Variants in GRB14 observed in about 807,000 individuals in gnomAD.
GRB14 encodes the protein growth factor receptor-bound protein 14.
In GRB14, 38 loss-of-function variants were observed where a neutral mutation model predicts 69.1. That is an observed-to-expected ratio of 0.55 (90% CI 0.42 to 0.72). GRB14 has a LOEUF of 0.72. GRB14 is among the 30% of genes least tolerant of loss of function. The pLI, the probability that GRB14 is intolerant of heterozygous loss-of-function variation, is 0.00. For synonymous variants in GRB14, 247 were observed against 241.3 expected (o/e 1.02, Z -0.22); for missense variants, 666 against 666.1 (o/e 1.00, Z 0.00).
chr2:164,546,585 G>A (rs190593850), intron 3 of GRB14, among the ~76,000 whole-genome samples: 3 of 152,260 alleles, frequency 2.0e-5, no homozygotes, highest in East Asian at 3.9e-4. Flanking sequence ...CCACCACGAT[G>A]CCCCTCCCAC....
chr2:164,589,637 G>C (rs578052665), intron 2 of GRB14, among the ~76,000 whole-genome samples: 76 of 152,120 alleles, frequency 5.0e-4, no homozygotes, highest in African/African-American at 1.7e-3. Flanking sequence ...CTCAAGAAGG[G>C]CATTAATCTA....
chr2:164,522,216 T>A, intron 5 of GRB14, 99 bp from the exon 6 acceptor site: 5 of 699,922 alleles, frequency 7.1e-6, no homozygotes, highest in Non-Finnish European at 7.4e-6. Flanking sequence ...CATGTAAAAA[T>A]CACACAAGAT....
chr2:164,505,087 C>T (rs1687155108), intron 8 of GRB14, among the ~76,000 whole-genome samples: 1 of 152,198 alleles, frequency 6.6e-6, no homozygotes, highest in Non-Finnish European at 1.5e-5. Context: ...TCCAGTAAGA[C>T]TCATTTCAGG....
At chr2:164,585,326 T>TA (rs1370974129) in intron 2 of GRB14, among the ~76,000 whole-genome samples, 1 of 151,982 alleles carries the variant, frequency 6.6e-6, no homozygotes, top group Non-Finnish European at 1.5e-5. Context: ...TATTTTCAAA[T>TA]AATGTTCAAG....
chr2:164,602,748 C>T (rs1689949275), intron 2 of GRB14, among the ~76,000 whole-genome samples: 1 of 152,116 alleles, frequency 6.6e-6, no homozygotes, highest in South Asian at 2.1e-4. Flanking sequence ...ATCCCTATTG[C>T]CCCCAGAGAT....
At chr2:164,614,585 A>G (rs968766844) in intron 2 of GRB14, among the ~76,000 whole-genome samples, 10 of 152,194 alleles carry the variant, frequency 6.6e-5, no homozygotes, top group African/African-American at 2.4e-4. Flanking sequence ...AGATGCAATG[A>G]TGGGGTGTCC....
intron 1 of GRB14, chr2:164,620,078 T>TC (rs1342589289): frequency 0.051 from 1,674 of 32,532 alleles, 114 homozygotes; most frequent in African/African-American, 0.13. Context: ...CCACCACCCC[T>TC]CCCCCCCCCA....
chr2:164,590,621 T>A (rs1054800323), intron 2 of GRB14, among the ~76,000 whole-genome samples: 3 of 152,230 alleles, frequency 2.0e-5, no homozygotes, highest in African/African-American at 7.2e-5. Flanking sequence ...TTATGCTTTA[T>A]ATACAGCACA....
intron 2 of GRB14, among the ~76,000 whole-genome samples, chr2:164,574,335 G>A (rs150480439): frequency 0.02 from 2,987 of 150,484 alleles, 125 homozygotes; most frequent in African/African-American, 0.069. Flanking sequence ...TCCGCCTCCC[G>A]GGTTCAAGTG....
intron 2 of GRB14, among the ~76,000 whole-genome samples, chr2:164,584,037 G>A (rs1351654526): frequency 2.0e-5 from 3 of 151,140 alleles, no homozygotes; most frequent in African/African-American, 7.3e-5. Flanking sequence ...CCAGGCTGGA[G>A]TGCAGTGGCT....
intron 2 of GRB14, among the ~76,000 whole-genome samples, chr2:164,618,623 T>C (rs1690366123): frequency 6.6e-6 from 1 of 152,126 alleles, no homozygotes; most frequent in African/African-American, 2.4e-5. Flanking sequence ...CCCCCAAAAA[T>C]ATATACACAG....
At chr2:164,550,186 A>G (rs1253626204) in intron 2 of GRB14, among the ~76,000 whole-genome samples, 1 of 152,270 alleles carries the variant, frequency 6.6e-6, no homozygotes, top group East Asian at 1.9e-4. Context: ...AGAATGTTAC[A>G]CTTCCTGGCC....
At chr2:164,546,156 T>G (rs1489201558) in intron 3 of GRB14, among the ~76,000 whole-genome samples, 1 of 152,196 alleles carries the variant, frequency 6.6e-6, no homozygotes, top group Non-Finnish European at 1.5e-5. Flanking sequence ...TCCATCAATT[T>G]GAGCTGTTTT....
At chr2:164,533,486 C>T (rs929150803) in intron 3 of GRB14, among the ~76,000 whole-genome samples, 1 of 152,078 alleles carries the variant, frequency 6.6e-6, no homozygotes, top group Non-Finnish European at 1.5e-5. Flanking sequence ...TCCCAAAGTG[C>T]TGGGATTACA....
At chr2:164,505,967 G>C (rs1041902377) in intron 8 of GRB14, among the ~76,000 whole-genome samples, 1 of 152,164 alleles carries the variant, frequency 6.6e-6, no homozygotes, top group Non-Finnish European at 1.5e-5. Context: ...TCTGTTTTGG[G>C]TGTCAAACTT....
chr2:164,597,008 G>A (rs1313177104), intron 2 of GRB14, among the ~76,000 whole-genome samples: 3 of 152,132 alleles, frequency 2.0e-5, no homozygotes, highest in Admixed American at 6.5e-5. Flanking sequence ...AGGATTAAAT[G>A]TCAGATATCC....
intron 2 of GRB14, among the ~76,000 whole-genome samples, chr2:164,577,274 T>A (rs984522128): frequency 2.0e-5 from 3 of 152,146 alleles, no homozygotes; most frequent in African/African-American, 7.2e-5. Flanking sequence ...ACAAACAAGA[T>A]CAATGAGGGG....
At chr2:164,557,800 G>T (rs1219507514) in intron 2 of GRB14, among the ~76,000 whole-genome samples, 5 of 152,186 alleles carry the variant, frequency 3.3e-5, no homozygotes, top group Non-Finnish European at 5.9e-5. Context: ...TTACATTTCT[G>T]CAGTAAATTA....
At chr2:164,513,876 T>C (rs1045314705) in intron 6 of GRB14, among the ~76,000 whole-genome samples, 2 of 152,198 alleles carry the variant, frequency 1.3e-5, no homozygotes, top group Non-Finnish European at 2.9e-5. Context: ...CTCAAAAGAA[T>C]TTTTACTTGA....
Sources: gnomAD v4.1 joint callset for allele counts (sites outside exome capture counted in the v4.1 genomes callset) on GRCh38, gnomAD v4.1.1 for gene constraint, MANE v1.5 for transcripts, NCBI Gene and HGNC (gene_info 2026-07-23, HGNC 2026-07-21) for gene names.